The following RNF175 variants were observed in gnomAD, a reference collection of about 807,000 sequenced individuals.
The protein encoded by RNF175 is ring finger protein 175.
In RNF175, 38 loss-of-function variants were observed where a neutral mutation model predicts 50.0. That is an observed-to-expected ratio of 0.76 (90% confidence interval 0.59 to 1.00). The LOEUF (loss-of-function observed/expected upper bound fraction) is 1.00, where lower values mean the gene tolerates loss of function less well. RNF175 is among the 50% of genes least tolerant of loss of function. The pLI, the probability that RNF175 is intolerant of heterozygous loss-of-function variation, is 0.00. For missense variants in RNF175, 388 were observed against 409.6 expected, an observed-to-expected ratio of 0.95 and a Z score of 0.46; for synonymous variants, 155 against 146.1, an observed-to-expected ratio of 1.06 and a Z score of -0.44.
chr4:153,725,786 T>C (rs754294421), intron 4 of RNF175, among the ~76,000 whole-genome samples: 1 of 152,232 alleles, frequency 6.6e-6, no homozygotes, highest in Non-Finnish European at 1.5e-5. Flanking sequence ...TATTGATGTT[T>C]ATTGACTTGG....
At chr4:153,754,825 A>G (rs1740483061) in intron 1 of RNF175, among the ~76,000 whole-genome samples, 1 of 152,212 alleles carries the variant, frequency 6.6e-6, no homozygotes, top group Non-Finnish European at 1.5e-5. Flanking sequence ...ACCTGGAGTC[A>G]CCAGAGACTG....
intron 6 of RNF175, among the ~76,000 whole-genome samples, chr4:153,719,405 A>T (rs11945694): frequency 6.6e-6 from 1 of 152,076 alleles, no homozygotes; most frequent in East Asian, 1.9e-4. Flanking sequence ...TCTACTTCAC[A>T]TCTGGCTGTG....
At chr4:153,737,946 C>T (rs1023247254) in intron 3 of RNF175, among the ~76,000 whole-genome samples, 2 of 152,186 alleles carry the variant, frequency 1.3e-5, no homozygotes, top group Non-Finnish European at 2.9e-5. Flanking sequence ...CTTTGCAGTT[C>T]TATCAGTTTT....
At chr4:153,753,650 C>T (rs1295802636) in intron 1 of RNF175, among the ~76,000 whole-genome samples, 12 of 151,604 alleles carry the variant, frequency 7.9e-5, no homozygotes, top group Admixed American at 6.6e-4. Context: ...CTCTGCCTCC[C>T]GGGTTCAAGC....
chr4:153,739,175 C>T (rs1579078960), intron 3 of RNF175, among the ~76,000 whole-genome samples: 1 of 152,204 alleles, frequency 6.6e-6, no homozygotes, highest in Non-Finnish European at 1.5e-5. Flanking sequence ...GTAATCCCAG[C>T]ACTTTGGGAG....
chr4:153,723,537 T>C, intron 4 of RNF175, 79 bp from the exon 5 acceptor site: 1 of 681,180 alleles, frequency 1.5e-6, no homozygotes, highest in East Asian at 2.8e-5. Context: ...TATTATAAAA[T>C]ATTTTGTCTT....
chr4:153,737,005 C>T (rs928785303), intron 3 of RNF175, among the ~76,000 whole-genome samples: 4 of 152,044 alleles, frequency 2.6e-5, no homozygotes, highest in Admixed American at 6.5e-5. Flanking sequence ...ACTACAGGCA[C>T]GTGCCATGAT....
chr4:153,747,166 G>T (rs138214607), intron 3 of RNF175, among the ~76,000 whole-genome samples: 1 of 152,178 alleles, frequency 6.6e-6, no homozygotes, highest in African/African-American at 2.4e-5. Flanking sequence ...TTGATTACTT[G>T]CACCTGGCTT....
At chr4:153,744,346 C>T (rs779615701) in intron 3 of RNF175, among the ~76,000 whole-genome samples, 6 of 151,826 alleles carry the variant, frequency 4.0e-5, no homozygotes, top group South Asian at 2.1e-4. Context: ...CACTTGAACC[C>T]GGGAGGTGGA....
At chr4:153,734,742 C>A (rs1196081110) in intron 3 of RNF175, among the ~76,000 whole-genome samples, 1 of 133,108 alleles carries the variant, frequency 7.5e-6, no homozygotes, top group Non-Finnish European at 1.5e-5. Context: ...GTGGCGTGAT[C>A]TCGGCTCACT....
intron 1 of RNF175, 21 bp downstream of exon 1, chr4:153,759,775 GC>G: frequency 1.4e-6 from 2 of 1,458,276 alleles, no homozygotes; most frequent in Admixed American, 2.4e-5. Context: ...CGTCCCCCAC[GC>G]CCGCGCCCCC....
At chr4:153,747,197 C>T (rs1339199845) in intron 3 of RNF175, among the ~76,000 whole-genome samples, 1 of 152,178 alleles carries the variant, frequency 6.6e-6, no homozygotes, top group East Asian at 1.9e-4. Flanking sequence ...GTGTTAATCC[C>T]CTTTATCAAA....
intron 3 of RNF175, among the ~76,000 whole-genome samples, chr4:153,740,514 A>G (rs956392158): frequency 1.3e-5 from 2 of 152,196 alleles, no homozygotes; most frequent in African/African-American, 4.8e-5. Context: ...TATGTTAACT[A>G]CAGTCACCAT....
chr4:153,717,164 C>A (rs1332784314), intron 6 of RNF175, among the ~76,000 whole-genome samples: 1 of 152,152 alleles, frequency 6.6e-6, no homozygotes, highest in Non-Finnish European at 1.5e-5. Flanking sequence ...TAACCCAATA[C>A]TACTACTATT....
At position 153,723,334 on chromosome 4, in the gene RNF175, T is replaced by G. The variant is rs746884202; in HGVS notation, c.509+17A>C. On this transcript the variant is annotated intron_variant, in intron 5 of 8. Coordinates refer to ENST00000347063, the MANE Select transcript of RNF175 (RefSeq NM_173662.4). The stretch of plus-strand genomic sequence containing the variant: ...CAAGTGCTTGGAGATATTAATGTCT[T>G]AATTGGAGATACTTACTTGAAAAAC... 4.8e-6 allele frequency: 6 copies of G among 1,252,998 alleles called. No individual in the cohort carries two copies. The South Asian group carries it at 4.9e-5, about 10-fold the overall frequency. 77.6% of individuals were successfully genotyped at this position (1,252,998 alleles called of 1,614,324 possible).
In RNF175 at chr4:153,759,767, T is replaced by G. The variant is rs1013079310; in HGVS notation, c.66+30A>C. The G allele has an allele frequency of 3.3e-5, 47 of 1,424,730 alleles. No homozygotes were observed. The African/African-American group carries it at 6.9e-4, about 21-fold the overall frequency. The allele number at this position is 1,424,730 out of a possible 1,614,324, so 88.3% of individuals were successfully genotyped here. Reference sequence around the variant, plus strand: ...TGAGCCCCGGGACCCCGGCCTGGCGTCCCCCACGCCCGCGCCCCCGCGCCA... The same window carrying G: ...TGAGCCCCGGGACCCCGGCCTGGCGGCCCCCACGCCCGCGCCCCCGCGCCA... On this transcript the variant is annotated intron_variant, in intron 1 of 8. Transcript: ENST00000347063.
At chr4:153,748,482 G>T in intron 3 of RNF175, 163 bp downstream of exon 3, 1 of 559,974 alleles carries the variant, frequency 1.8e-6, no homozygotes, top group Non-Finnish European at 2.9e-6. Flanking sequence ...TCCAGACATT[G>T]CCAAATGTCT....
intron 1 of RNF175, among the ~76,000 whole-genome samples, chr4:153,752,442 C>T (rs1304753806): frequency 6.6e-6 from 1 of 152,176 alleles, no homozygotes; most frequent in East Asian, 1.9e-4. Flanking sequence ...GCCAGTATTA[C>T]CCCCTGTGCC....
chr4:153,710,600 G>C, intron 8 of RNF175, 111 bp from the exon 9 acceptor site: 2 of 1,053,874 alleles, frequency 1.9e-6, no homozygotes, highest in Non-Finnish European at 2.8e-6. Context: ...TTCCTTTCTT[G>C]TTAATTCTAT....
Sources: gnomAD v4.1 joint callset for allele counts (sites outside exome capture counted in the v4.1 genomes callset) on GRCh38, gnomAD v4.1.1 for gene constraint, MANE v1.5 for transcripts, NCBI Gene and HGNC (gene_info 2026-07-23, HGNC 2026-07-21) for gene names.